The following CAPZA1 variants were observed in gnomAD, a reference collection of about 807,000 sequenced individuals.
CAPZA1 encodes the protein capping actin protein of muscle Z-line subunit alpha 1.
In CAPZA1, 10 loss-of-function variants were observed where a neutral mutation model predicts 40.8. That is an observed-to-expected ratio of 0.25 (90% CI 0.15 to 0.42). The LOEUF is 0.42. CAPZA1 is among the 10% of genes least tolerant of loss of function. CAPZA1 has a pLI of 1.00. For missense variants in CAPZA1, 277 were observed against 353.8 expected, an observed-to-expected ratio of 0.78 and a Z score of 1.74; for synonymous variants, 98 against 115.0, an observed-to-expected ratio of 0.85 and a Z score of 0.95.
At chr1:112,666,750 T>C (rs542018758) in intron 7 of CAPZA1, among the ~76,000 whole-genome samples, 21 of 152,228 alleles carry the variant, frequency 1.4e-4, no homozygotes, top group Non-Finnish European at 2.8e-4. Context: ...CTTTAATTAT[T>C]TTAATATTGT....
intron 2 of CAPZA1, among the ~76,000 whole-genome samples, chr1:112,648,001 T>C (rs1557733012): frequency 6.6e-6 from 1 of 152,222 alleles, no homozygotes; most frequent in African/African-American, 2.4e-5. Flanking sequence ...GTTGTGCATC[T>C]TGGTTCAGTT....
intron 1 of CAPZA1, among the ~76,000 whole-genome samples, chr1:112,629,440 A>G (rs564833367): frequency 1.3e-5 from 2 of 152,284 alleles, no homozygotes; most frequent in South Asian, 4.1e-4. Flanking sequence ...GTCTTTACCC[A>G]CTAGAATGTA....
intron 1 of CAPZA1, chr1:112,626,345 A>G (rs1156923730): frequency 6.6e-6 from 1 of 151,998 alleles, no homozygotes; most frequent in African/African-American, 2.4e-5. Context: ...TGTAATCCCA[A>G]TACTTTGGGA....
intron 7 of CAPZA1, among the ~76,000 whole-genome samples, chr1:112,664,243 A>G (rs1249117954): frequency 6.6e-6 from 1 of 151,630 alleles, no homozygotes; most frequent in Non-Finnish European, 1.5e-5. Flanking sequence ...AAAAAAAAAA[A>G]AAAAAAGATA....
intron 7 of CAPZA1, among the ~76,000 whole-genome samples, chr1:112,664,899 C>T (rs755087940): frequency 2.6e-5 from 4 of 152,076 alleles, no homozygotes; most frequent in Non-Finnish European, 5.9e-5. Context: ...CGTGCCATTG[C>T]ACTCCAGCCT....
chr1:112,666,933 C>T (rs1671734472), intron 7 of CAPZA1, 141 bp from the exon 8 acceptor site: 6 of 585,862 alleles, frequency 1.0e-5, no homozygotes, highest in South Asian at 4.6e-5. Flanking sequence ...TGTGAATTAC[C>T]ACTGCTTATA....
intron 5 of CAPZA1, among the ~76,000 whole-genome samples, chr1:112,657,944 A>G (rs1671531295): frequency 1.3e-5 from 2 of 152,084 alleles, no homozygotes. Flanking sequence ...ACCTTTGTAA[A>G]TGTAGGCATT....
chr1:112,646,592 TAAAG>T (rs1192078045), intron 1 of CAPZA1, among the ~76,000 whole-genome samples: 1 of 152,144 alleles, frequency 6.6e-6, no homozygotes, highest in Non-Finnish European at 1.5e-5. Flanking sequence ...AATAAATTAA[TAAAG>T]TTAGTGACAT....
chr1:112,665,482 G>A (rs1483379859), intron 7 of CAPZA1, among the ~76,000 whole-genome samples: 1 of 152,058 alleles, frequency 6.6e-6, no homozygotes. Flanking sequence ...GCCCGGCCTT[G>A]TTTCAGCTAT....
chr1:112,667,003 GGAT>G, intron 7 of CAPZA1, 68 bp from the exon 8 acceptor site: 1 of 1,028,474 alleles, frequency 9.7e-7, no homozygotes, highest in Non-Finnish European at 1.5e-6. Context: ...CTTAAAGCAT[GGAT>G]TTGTGTCCTA....
chr1:112,631,614 C>G (rs554294105), intron 1 of CAPZA1, among the ~76,000 whole-genome samples: 101 of 152,310 alleles, frequency 6.6e-4, no homozygotes, highest in Admixed American at 2.6e-3. Context: ...CCCACTGCTG[C>G]TTTTTCCATC....
intron 2 of CAPZA1, 81 bp downstream of exon 2, chr1:112,647,354 CTTG>C (rs1157567072): frequency 2.1e-5 from 15 of 711,092 alleles, no homozygotes; most frequent in Non-Finnish European, 3.0e-5. Context: ...ATTCTTACGA[CTTG>C]TTGTAGCCAT....
chr1:112,629,614 A>G (rs1670881591), intron 1 of CAPZA1, among the ~76,000 whole-genome samples: 1 of 152,224 alleles, frequency 6.6e-6, no homozygotes. Context: ...GGCCATATTG[A>G]GGACTCCAGT....
At chr1:112,651,773 G>A (rs1671391471) in intron 3 of CAPZA1, among the ~76,000 whole-genome samples, 1 of 151,830 alleles carries the variant, frequency 6.6e-6, no homozygotes, top group Non-Finnish European at 1.5e-5. Flanking sequence ...AATGTGTTTG[G>A]GATTAATTTT....
At chr1:112,668,356 T>G (rs1029817472) in intron 8 of CAPZA1, among the ~76,000 whole-genome samples, 1 of 152,234 alleles carries the variant, frequency 6.6e-6, no homozygotes, top group Non-Finnish European at 1.5e-5. Flanking sequence ...CCATTACTTG[T>G]TAATAAGTAA....
At chr1:112,629,020 CT>C (rs1557726732) in intron 1 of CAPZA1, among the ~76,000 whole-genome samples, 1 of 152,186 alleles carries the variant, frequency 6.6e-6, no homozygotes, top group African/African-American at 2.4e-5. Flanking sequence ...GCAGTCTGTC[CT>C]CGATGAAGCA....
At chr1:112,638,102 A>T (rs1250292431) in intron 1 of CAPZA1, among the ~76,000 whole-genome samples, 1 of 152,188 alleles carries the variant, frequency 6.6e-6, no homozygotes, top group Admixed American at 6.5e-5. Flanking sequence ...AGGGTACAAC[A>T]GCTAATTTAT....
chr1:112,663,346 T>C (rs1228431482), intron 7 of CAPZA1, among the ~76,000 whole-genome samples: 2 of 152,372 alleles, frequency 1.3e-5, no homozygotes, highest in African/African-American at 4.8e-5. Flanking sequence ...TATTTGATTG[T>C]GACCTACTTG....
At chr1:112,652,847 TAAA>T (rs1310556800) in intron 3 of CAPZA1, among the ~76,000 whole-genome samples, 1 of 152,216 alleles carries the variant, frequency 6.6e-6, no homozygotes, top group African/African-American at 2.4e-5. Context: ...AGAGAGCCAT[TAAA>T]AATGCAGAAT....
Sources: allele counts gnomAD v4.1 joint callset (sites outside exome capture counted in the v4.1 genomes callset), GRCh38; gene constraint gnomAD v4.1.1; transcripts MANE v1.5; gene names NCBI Gene and HGNC (gene_info 2026-07-23, HGNC 2026-07-21).